ASIC2: variants seen among roughly 807,000 people sequenced by gnomAD.
The protein encoded by ASIC2 is acid-sensing ion channel 2.
ASIC2 carries 25 observed loss-of-function variants against 57.3 expected under a neutral mutation model. That is an observed-to-expected ratio of 0.44 (90% CI 0.32 to 0.61). ASIC2 has a LOEUF of 0.61. Among genes scored for constraint, ASIC2 ranks in the 20% least tolerant of loss-of-function variants. The pLI is 0.06. For synonymous variants in ASIC2, 319 were observed against 307.5 expected (o/e 1.04, Z -0.39); for missense variants, 641 against 738.1 (o/e 0.87, Z 1.52).
intron 2 of ASIC2, among the ~76,000 whole-genome samples, 187 bp from the exon 3 acceptor site, chr17:33,089,177 T>A (rs2092148030): frequency 6.6e-6 from 1 of 152,140 alleles, no homozygotes; most frequent in South Asian, 2.1e-4. Context: ...AAAGGGACAT[T>A]GCAGGTGTGA....
chr17:33,997,234 T>C (rs1023286782), intron 1 of ASIC2, among the ~76,000 whole-genome samples: 1 of 151,684 alleles, frequency 6.6e-6, no homozygotes, highest in Non-Finnish European at 1.5e-5. Flanking sequence ...CTTGACCTCC[T>C]GGGCTCAAGC....
At chr17:33,925,261 G>A (rs193097021) in intron 1 of ASIC2, among the ~76,000 whole-genome samples, 52 of 152,338 alleles carry the variant, frequency 3.4e-4, no homozygotes, top group Non-Finnish European at 6.2e-4. Context: ...ACTTGCACAA[G>A]GGTTGAATGA....
intron 1 of ASIC2, among the ~76,000 whole-genome samples, chr17:33,583,025 C>A (rs912142585): frequency 1.3e-5 from 2 of 152,142 alleles, no homozygotes; most frequent in African/African-American, 4.8e-5. Context: ...ACCCTGCCCT[C>A]CAGATGCAAT....
intron 1 of ASIC2, among the ~76,000 whole-genome samples, chr17:33,973,396 G>A (rs1161331474): frequency 6.6e-6 from 1 of 152,190 alleles, no homozygotes; most frequent in Admixed American, 6.5e-5. Context: ...CGGGTGGAGA[G>A]GATAGAAGCT....
At chr17:33,089,026 TAAC>T in intron 2 of ASIC2, 36 bp from the exon 3 acceptor site, 1 of 1,612,208 alleles carries the variant, frequency 6.2e-7, no homozygotes. Context: ...CACGGGTCAG[TAAC>T]AACAGATGCT....
intron 3 of ASIC2, among the ~76,000 whole-genome samples, chr17:33,087,124 G>A (rs2092137329): frequency 6.6e-6 from 1 of 152,158 alleles, no homozygotes; most frequent in Non-Finnish European, 1.5e-5. Context: ...AGCTCACCTA[G>A]GCTAGTAGCT....
chr17:33,039,601 C>T (rs1381594576), intron 3 of ASIC2, among the ~76,000 whole-genome samples: 1 of 152,130 alleles, frequency 6.6e-6, no homozygotes, highest in East Asian at 1.9e-4. Context: ...ATGTGTAACC[C>T]AGATATTACC....
chr17:33,216,194 T>TC (rs2142093187), intron 1 of ASIC2, among the ~76,000 whole-genome samples: 1 of 152,344 alleles, frequency 6.6e-6, no homozygotes, highest in South Asian at 2.1e-4. Context: ...GGCAGTAGTT[T>TC]CAGTTTCTCT....
chr17:33,069,996 C>T (rs1373683062), intron 3 of ASIC2, among the ~76,000 whole-genome samples: 1 of 152,030 alleles, frequency 6.6e-6, no homozygotes, highest in African/African-American at 2.4e-5. Context: ...TTTGTGATTT[C>T]ATTTATACCC....
intron 1 of ASIC2, chr17:33,834,481 C>A (rs919743180): frequency 1.3e-5 from 2 of 152,166 alleles, no homozygotes; most frequent in Non-Finnish European, 2.9e-5. Context: ...TCATGTGAAT[C>A]ACGACAGATA....
intron 1 of ASIC2, among the ~76,000 whole-genome samples, chr17:33,146,605 C>G (rs1001079241): frequency 6.6e-6 from 1 of 152,236 alleles, no homozygotes; most frequent in African/African-American, 2.4e-5. Context: ...CTGAACTGAG[C>G]TAAGACAAGA....
intron 1 of ASIC2, among the ~76,000 whole-genome samples, chr17:34,155,075 C>T (rs1319670967): frequency 2.0e-5 from 3 of 151,982 alleles, no homozygotes; most frequent in Non-Finnish European, 4.4e-5. Context: ...TACTCAGCTC[C>T]ACACTCCTCC....
At chr17:33,383,379 C>A (rs905437762) in intron 1 of ASIC2, among the ~76,000 whole-genome samples, 1 of 152,112 alleles carries the variant, frequency 6.6e-6, no homozygotes, top group Admixed American at 6.5e-5. Flanking sequence ...AGATTCACTT[C>A]TTTTTTAATT....
intron 1 of ASIC2, among the ~76,000 whole-genome samples, chr17:33,214,883 A>T (rs920788888): frequency 6.6e-5 from 10 of 152,222 alleles, no homozygotes; most frequent in African/African-American, 2.2e-4. Context: ...AAGGATTAGG[A>T]TTCTAATTGC....
chr17:33,371,301 A>T (rs1909049631), intron 1 of ASIC2, among the ~76,000 whole-genome samples: 1 of 152,130 alleles, frequency 6.6e-6, no homozygotes, highest in Admixed American at 6.5e-5. Flanking sequence ...TCCCAGCCTC[A>T]TTTTTCCTAG....
intron 1 of ASIC2, among the ~76,000 whole-genome samples, chr17:33,367,696 G>C (rs1908869751): frequency 6.6e-6 from 1 of 152,152 alleles, no homozygotes; most frequent in Non-Finnish European, 1.5e-5. Context: ...TTTTCAGAAA[G>C]ATCTTTAGTA....
At position 34,149,924 on chromosome 17, in the gene ASIC2, G is replaced by C. The variant is rs1904445995; in HGVS notation, c.555+6054C>G. On this transcript the variant is annotated intron_variant, in intron 1 of 9. Coordinates refer to the ASIC2 transcript ENST00000359872. Reference sequence around the variant, plus strand: ...AAGGAAGTGAAATCAGTATGTCAAAGAGATTCTGCCCTCCCATGTTTATTG... The same window carrying C: ...AAGGAAGTGAAATCAGTATGTCAAACAGATTCTGCCCTCCCATGTTTATTG... Among the ~76,000 whole-genome samples the C allele has an allele frequency of 2.0e-5, 3 of 152,196 alleles. No homozygotes were observed. In the South Asian group the frequency reaches 6.2e-4, roughly 31 times the overall value.
Position 33,033,096 on chromosome 17 carries a change from G to C in ASIC2, c.988-4704C>G, listed in dbSNP as rs1445503705. Among the ~76,000 whole-genome samples, 3 of 152,276 alleles carry C rather than the reference G, an allele frequency of 2.0e-5. No homozygotes were observed. In the East Asian group the frequency reaches 5.8e-4, roughly 29 times the overall value. On this transcript the variant is annotated intron_variant, in intron 3 of 9. Transcript: ENST00000225823. Reference sequence around the variant, plus strand: ...CCAGCCTAGGCAACATAGTGATACCGATGGCAGTGGCTGCTTACATTATGC... The same window carrying C: ...CCAGCCTAGGCAACATAGTGATACCCATGGCAGTGGCTGCTTACATTATGC...
At chr17:33,140,301 C>A (rs2092382501) in intron 1 of ASIC2, among the ~76,000 whole-genome samples, 1 of 152,228 alleles carries the variant, frequency 6.6e-6, no homozygotes, top group South Asian at 2.1e-4. Context: ...GTATGGGCAG[C>A]TTCTCTCCAC....
Sources: gnomAD v4.1 joint callset for allele counts (sites outside exome capture counted in the v4.1 genomes callset) on GRCh38, gnomAD v4.1.1 for gene constraint, MANE v1.5 for transcripts, NCBI Gene and HGNC (gene_info 2026-07-23, HGNC 2026-07-21) for gene names.